RAP1B: variants seen among roughly 807,000 people sequenced by gnomAD.
The protein encoded by RAP1B is ras-related protein Rap-1b.
Under a neutral mutation model 27.5 loss-of-function variants are expected in RAP1B, and 1 was observed. The ratio of observed to expected loss-of-function variants is 0.04; its 90% CI spans 0.01 to 0.17. RAP1B has a LOEUF of 0.17. Ranked by LOEUF, RAP1B falls within the 10% of genes least tolerant of loss-of-function variation. The probability of loss-of-function intolerance (pLI) is 1.00; values close to 1 mark genes in which losing one functional copy is unlikely to be tolerated. For missense variants in RAP1B, 84 were observed against 214.8 expected, an observed-to-expected ratio of 0.39 and a Z score of 3.81; for synonymous variants, 75 against 73.1, an observed-to-expected ratio of 1.03 and a Z score of -0.13.
chr12:68,653,803 C>T (rs1016184205), intron 4 of RAP1B, among the ~76,000 whole-genome samples: 8 of 151,834 alleles, frequency 5.3e-5, no homozygotes, highest in Admixed American at 1.3e-4. Context: ...TGGTGGTGTG[C>T]GCCTGTTGTC....
chr12:68,634,159 A>G (rs1592440685), intron 1 of RAP1B, among the ~76,000 whole-genome samples: 1 of 152,234 alleles, frequency 6.6e-6, no homozygotes, highest in Admixed American at 6.5e-5. Flanking sequence ...CTTAAGCACT[A>G]TAAACACCTA....
At chr12:68,656,970 C>A in intron 6 of RAP1B, 131 bp from the exon 7 acceptor site, 1 of 782,084 alleles carries the variant, frequency 1.3e-6, no homozygotes, top group Non-Finnish European at 2.1e-6. Flanking sequence ...TGATTTTATT[C>A]TCATTCCTTA....
At position 68,662,031 on chromosome 12, in the gene RAP1B, T is replaced by C. The variant is rs1037828484; in HGVS notation, c.*2782T>C. 6.9e-6 allele frequency: 1 copy of C among 145,822 alleles called. No homozygotes were observed. The highest frequency in any genetic ancestry group is 2.0e-4 in the East Asian group (1 of 5,064). 9.0% of individuals were successfully genotyped at this position (145,822 alleles called of 1,614,324 possible). A position where few individuals can be genotyped will look rare whatever the true frequency, so the allele number is the denominator to read the frequency against. Reference sequence around the variant, plus strand: ...GTCTATATATATATATATATATATATATTATATATAGTACATATATAGAGA... The same window carrying C: ...GTCTATATATATATATATATATATACATTATATATAGTACATATATAGAGA... On this transcript the variant is annotated 3_prime_UTR_variant, in exon 8 of 8. Transcript: ENST00000250559.
At chr12:68,620,711 C>T (rs759027903) in intron 1 of RAP1B, among the ~76,000 whole-genome samples, 35 of 151,652 alleles carry the variant, frequency 2.3e-4, no homozygotes, top group Admixed American at 2.1e-3. Flanking sequence ...GTTGATGCAT[C>T]TCAGCGTCCC....
In RAP1B at chr12:68,625,956, T is replaced by C. The variant is rs76318213; in HGVS notation, c.-27+14913T>C. 7.8e-4 allele frequency among the ~76,000 whole-genome samples: 118 copies of C among 150,616 alleles called. 1 individual carries two copies. The highest frequency in any genetic ancestry group is 2.8e-3 in the African/African-American group (114 of 41,044). On this transcript the variant is annotated intron_variant, in intron 1 of 7. Coordinates refer to ENST00000250559, the MANE Select transcript of RAP1B (RefSeq NM_001010942.3). ...AAAAAGTTTCAGGTGTATTCAGGAGTGGTCATATTAAGCTTGTCACCTGAT... is the reference window on the plus strand; with the variant it reads ...AAAAAGTTTCAGGTGTATTCAGGAGCGGTCATATTAAGCTTGTCACCTGAT...
intron 7 of RAP1B, among the ~76,000 whole-genome samples, chr12:68,657,871 T>TCACA (rs138840887): frequency 6.9e-6 from 1 of 145,348 alleles, no homozygotes; most frequent in Non-Finnish European, 1.5e-5. Context: ...CATGTGCCAG[T>TCACA]CACACACACA....
chr12:68,646,336 C>G (rs926816332), intron 1 of RAP1B, among the ~76,000 whole-genome samples: 5 of 151,634 alleles, frequency 3.3e-5, no homozygotes, highest in Admixed American at 2.6e-4. Flanking sequence ...TGCAGTCTCA[C>G]CGGGGCTGGA....
intron 1 of RAP1B, chr12:68,647,976 CTT>C (rs1049256785): frequency 1.3e-5 from 2 of 152,104 alleles, no homozygotes; most frequent in South Asian, 2.1e-4. Flanking sequence ...TTTACTGACT[CTT>C]TAGTTTTTTT....
intron 1 of RAP1B, among the ~76,000 whole-genome samples, chr12:68,616,927 AT>A (rs1871070500): frequency 6.6e-6 from 1 of 152,122 alleles, no homozygotes; most frequent in Non-Finnish European, 1.5e-5. Flanking sequence ...GAAGTGGTGG[AT>A]TGCCTCTACC....
Position 68,652,168 on chromosome 12 carries a change from G to A in RAP1B, c.183+117G>A, listed in dbSNP as rs41303003. 1.9e-3 allele frequency: 1,455 copies of A among 750,678 alleles called. 1 individual carries two copies. The highest frequency in any genetic ancestry group is 2.6e-3 in the Non-Finnish European group (1,228 of 470,302). The allele number at this position is 750,678 out of a possible 1,614,324, so 46.5% of individuals were successfully genotyped here. A position where few individuals can be genotyped will look rare whatever the true frequency, so the allele number is the denominator to read the frequency against. ...TTATTTAAAAGTACTGCTTGCAGCC[G>A]GTTGTAGTGGCTCACACCTCTATTC... On this transcript the variant is annotated intron_variant, in intron 4 of 7. Coordinates refer to ENST00000250559, the MANE Select transcript of RAP1B (RefSeq NM_001010942.3).
At chr12:68,645,325 C>T (rs1229383361) in intron 1 of RAP1B, among the ~76,000 whole-genome samples, 1 of 152,234 alleles carries the variant, frequency 6.6e-6, no homozygotes, top group Non-Finnish European at 1.5e-5. Flanking sequence ...CCATTAGCCA[C>T]TATGCTGTGC....
chr12:68,654,027 T>A (rs754060792), intron 4 of RAP1B, 85 bp from the exon 5 acceptor site: 2 of 1,129,084 alleles, frequency 1.8e-6, no homozygotes, highest in Admixed American at 4.3e-5. Context: ...TATTCTTCAT[T>A]GAGCTATAAT....
At chr12:68,644,510 G>C (rs1173676557) in intron 1 of RAP1B, among the ~76,000 whole-genome samples, 3 of 151,444 alleles carry the variant, frequency 2.0e-5, no homozygotes, top group East Asian at 2.0e-4. Context: ...CATGAACCTG[G>C]GAGGCGGAGG....
intron 1 of RAP1B, among the ~76,000 whole-genome samples, chr12:68,612,928 C>T (rs1870709048): frequency 6.6e-6 from 1 of 152,184 alleles, no homozygotes; most frequent in African/African-American, 2.4e-5. Flanking sequence ...GCTGCCTTAT[C>T]TAAGGAAGTC....
rs1199840470 is a variant in RAP1B, at chr12:68,651,080, CTG to C, written c.126+615_126+616del. Among the ~76,000 whole-genome samples, 3 of 152,338 alleles carry C rather than the reference CTG, an allele frequency of 2.0e-5. No individual in the cohort carries two copies. The East Asian group carries it at 5.8e-4, about 29-fold the overall frequency. On this transcript the variant is annotated intron_variant, in intron 3 of 7. Transcript: ENST00000250559. Reference sequence around the variant, plus strand: ...ATACAAAGTTTTGGCTGCATTTTGACTGTGACTGGTCACATGAGCTCATGTGT... The same window carrying C: ...ATACAAAGTTTTGGCTGCATTTTGACTGACTGGTCACATGAGCTCATGTGT...
chr12:68,631,431 C>G (rs1405044521), intron 1 of RAP1B, among the ~76,000 whole-genome samples: 1 of 152,128 alleles, frequency 6.6e-6, no homozygotes, highest in Admixed American at 6.5e-5. Context: ...TTAAAAGTAT[C>G]TTTAGTTTTC....
At chr12:68,628,073 C>G (rs1488437724) in intron 1 of RAP1B, among the ~76,000 whole-genome samples, 2 of 152,146 alleles carry the variant, frequency 1.3e-5, no homozygotes, top group African/African-American at 4.8e-5. Context: ...CCTCTGCACT[C>G]TAGCCTGGGT....
At chr12:68,620,694 G>T (rs1238007580) in intron 1 of RAP1B, among the ~76,000 whole-genome samples, 1 of 150,242 alleles carries the variant, frequency 6.7e-6, no homozygotes, top group Non-Finnish European at 1.5e-5. Context: ...TCGACCTCCC[G>T]GGCTCAGTTG....
At chr12:68,616,669 G>A (rs1205954392) in intron 1 of RAP1B, among the ~76,000 whole-genome samples, 2 of 151,450 alleles carry the variant, frequency 1.3e-5, no homozygotes, top group African/African-American at 2.4e-5. Context: ...CCTGACCTCA[G>A]GTGATCCACC....
Sources: gnomAD v4.1 joint callset for allele counts (sites outside exome capture counted in the v4.1 genomes callset) on GRCh38, gnomAD v4.1.1 for gene constraint, MANE v1.5 for transcripts, NCBI Gene and HGNC (gene_info 2026-07-23, HGNC 2026-07-21) for gene names.